Variants in UNC5D observed in about 807,000 individuals in gnomAD.
UNC5D encodes the protein unc-5 netrin receptor D.
UNC5D carries 39 observed loss-of-function variants against 105.4 expected under a neutral mutation model. The observed-to-expected ratio is 0.37, with a 90% CI of 0.29 to 0.48. The LOEUF is 0.48. UNC5D is among the 20% of genes least tolerant of loss of function. The pLI is 0.98. For missense variants in UNC5D, 991 were observed against 1,202.4 expected, an observed-to-expected ratio of 0.82 and a Z score of 2.60; for synonymous variants, 452 against 450.4, an observed-to-expected ratio of 1.00 and a Z score of -0.04.
At position 35,767,071 on chromosome 8, in the gene UNC5D, G is replaced by C; in HGVS notation, c.2478+5G>C. 6.2e-7 allele frequency: 1 copy of C among 1,608,324 alleles called. No individual in the cohort carries two copies. Among genetic ancestry groups the C allele is most frequent in the Non-Finnish European group, 8.5e-7 (1 of 1,176,744 alleles). On this transcript the variant is annotated splice_donor_5th_base_variant and intron_variant, in intron 15 of 16. Coordinates refer to ENST00000404895, the MANE Select transcript of UNC5D (RefSeq NM_080872.4). Reference sequence around the variant, plus strand: ...GTGCAGACATCAATCCTAGAGGTGAGTCCTTGATCTACAGGTCATTTGACC... The same window carrying C: ...GTGCAGACATCAATCCTAGAGGTGACTCCTTGATCTACAGGTCATTTGACC...
intron 1 of UNC5D, among the ~76,000 whole-genome samples, chr8:35,357,185 T>C (rs1206287823): frequency 6.6e-6 from 1 of 152,168 alleles, no homozygotes; most frequent in Non-Finnish European, 1.5e-5. Flanking sequence ...ATCATCTTAA[T>C]GTAAAAATCT....
At chr8:35,617,327 G>GT (rs1433463732) in intron 4 of UNC5D, among the ~76,000 whole-genome samples, 1 of 152,140 alleles carries the variant, frequency 6.6e-6, no homozygotes, top group Non-Finnish European at 1.5e-5. Context: ...AGTTTTCTGC[G>GT]TAACTGCTAG....
At chr8:35,684,051 C>T (rs935150937) in intron 5 of UNC5D, among the ~76,000 whole-genome samples, 15 of 152,292 alleles carry the variant, frequency 9.8e-5, no homozygotes, top group Admixed American at 3.3e-4. Context: ...CTGCTTCCCA[C>T]GCCTCTCAAA....
chr8:35,630,658 C>A (rs766637821), intron 4 of UNC5D, among the ~76,000 whole-genome samples: 65 of 152,214 alleles, frequency 4.3e-4, no homozygotes, highest in Non-Finnish European at 8.4e-4. Flanking sequence ...CCGTACATAC[C>A]CTCCAATCAA....
chr8:35,266,874 A>G lies in UNC5D; in HGVS notation c.103+30987A>G, dbSNP rs148743964. On this transcript the variant is annotated intron_variant, in intron 1 of 16. Coordinates refer to ENST00000404895, the MANE Select transcript of UNC5D (RefSeq NM_080872.4). ...ATGGCAGCTGGGAGGAAGCATCCCAAAATGGAGCCTCTGGAGAATGCCTAT... is the reference window on the plus strand; with the variant it reads ...ATGGCAGCTGGGAGGAAGCATCCCAGAATGGAGCCTCTGGAGAATGCCTAT... Among the ~76,000 whole-genome samples the G allele has an allele frequency of 8.2e-3, 1,246 of 152,304 alleles. 7 individuals carry two copies. Among genetic ancestry groups the G allele is most frequent in the Non-Finnish European group, 0.013 (866 of 68,020 alleles).
intron 1 of UNC5D, among the ~76,000 whole-genome samples, chr8:35,335,795 G>A (rs1404522872): frequency 2.6e-5 from 3 of 116,008 alleles, no homozygotes; most frequent in African/African-American, 6.5e-5. Context: ...ACGGAGTGTC[G>A]CTCTGTCGCC....
intron 1 of UNC5D, among the ~76,000 whole-genome samples, chr8:35,304,247 C>A (rs1042380429): frequency 1.3e-5 from 2 of 151,926 alleles, no homozygotes; most frequent in African/African-American, 2.4e-5. Context: ...AGACATGGTT[C>A]TCAGGGAAGA....
chr8:35,421,960 G>A (rs545592204), intron 1 of UNC5D, among the ~76,000 whole-genome samples: 4 of 152,272 alleles, frequency 2.6e-5, no homozygotes, highest in African/African-American at 9.6e-5. Context: ...CCAAATTTGG[G>A]ACAGAATAAT....
intron 4 of UNC5D, among the ~76,000 whole-genome samples, chr8:35,635,888 T>C (rs1822339910): frequency 6.6e-6 from 1 of 152,152 alleles, no homozygotes; most frequent in Non-Finnish European, 1.5e-5. Context: ...TCTCTCAGAC[T>C]CACTGAGGTG....
intron 4 of UNC5D, among the ~76,000 whole-genome samples, chr8:35,656,098 G>A (rs1823716710): frequency 6.6e-6 from 1 of 152,136 alleles, no homozygotes. Flanking sequence ...TTATTTGGGA[G>A]AGATAGGATC....
chr8:35,427,781 C>T (rs1806349951), intron 1 of UNC5D, among the ~76,000 whole-genome samples: 1 of 152,118 alleles, frequency 6.6e-6, no homozygotes, highest in African/African-American at 2.4e-5. Context: ...TCAAAATCCT[C>T]AATGTGAAAT....
chr8:35,326,491 A>C (rs957251272), intron 1 of UNC5D, among the ~76,000 whole-genome samples: 2 of 152,356 alleles, frequency 1.3e-5, no homozygotes, highest in Middle Eastern at 6.8e-3. Flanking sequence ...ACAGTGGCTC[A>C]TGCCTGTCAT....
intron 4 of UNC5D, among the ~76,000 whole-genome samples, chr8:35,641,699 G>A (rs1273433919): frequency 6.6e-6 from 1 of 152,138 alleles, no homozygotes; most frequent in African/African-American, 2.4e-5. Context: ...TTCTTGGGCT[G>A]TGTTCACAGG....
At chr8:35,323,247 T>C (rs1470909061) in intron 1 of UNC5D, among the ~76,000 whole-genome samples, 3 of 151,344 alleles carry the variant, frequency 2.0e-5, no homozygotes, top group Non-Finnish European at 4.4e-5. Flanking sequence ...ATTCAGCCAT[T>C]GTGATACCTG....
chr8:35,333,759 C>T (rs190591491), intron 1 of UNC5D, among the ~76,000 whole-genome samples: 3 of 152,212 alleles, frequency 2.0e-5, no homozygotes, highest in Admixed American at 6.5e-5. Flanking sequence ...GGATTACAGG[C>T]GTGAGCCACT....
intron 2 of UNC5D, among the ~76,000 whole-genome samples, chr8:35,554,013 C>T (rs1278976138): frequency 6.6e-6 from 1 of 152,174 alleles, no homozygotes; most frequent in Non-Finnish European, 1.5e-5. Flanking sequence ...ACATATTCTC[C>T]ATTTCTGAAA....
chr8:35,616,891 A>G (rs1008409448), intron 4 of UNC5D, among the ~76,000 whole-genome samples: 1 of 152,204 alleles, frequency 6.6e-6, no homozygotes, highest in Non-Finnish European at 1.5e-5. Flanking sequence ...TATGATTTTT[A>G]AATTAACATT....
chr8:35,786,938 G>A (rs1802773631), intron 16 of UNC5D, among the ~76,000 whole-genome samples: 2 of 152,104 alleles, frequency 1.3e-5, no homozygotes, highest in Admixed American at 6.6e-5. Flanking sequence ...AATCAAAAGA[G>A]TAATATTGTG....
At chr8:35,789,894 A>AC (rs1802952839) in intron 16 of UNC5D, among the ~76,000 whole-genome samples, 2 of 138,238 alleles carry the variant, frequency 1.4e-5, no homozygotes, top group Admixed American at 7.2e-5. Context: ...GTCAAGAAGA[A>AC]AACACACACA....
Sources: allele counts gnomAD v4.1 joint callset (sites outside exome capture counted in the v4.1 genomes callset), GRCh38; gene constraint gnomAD v4.1.1; transcripts MANE v1.5; gene names NCBI Gene and HGNC (gene_info 2026-07-23, HGNC 2026-07-21).